Variants in PCDHGA9 observed in about 807,000 individuals in gnomAD.
PCDHGA9 encodes protocadherin gamma-A9.
Under a neutral mutation model 62.5 loss-of-function variants are expected in PCDHGA9, and 37 were observed. The ratio of observed to expected loss-of-function variants is 0.59; its 90% CI spans 0.46 to 0.78. The LOEUF (loss-of-function observed/expected upper bound fraction) is 0.78. PCDHGA9 is among the 30% of genes least tolerant of loss of function. PCDHGA9 has a pLI of 0.00. For missense variants in PCDHGA9, 1,138 were observed against 1,166.2 expected (o/e 0.98, Z 0.35); for synonymous variants, 459 against 484.6 (o/e 0.95, Z 0.69).
chr5:141,421,443 G>A (rs1561793987), intron 1 of PCDHGA9: 4 of 1,614,106 alleles, frequency 2.5e-6, no homozygotes, highest in Non-Finnish European at 2.5e-6. Flanking sequence ...CCAGAGGGAA[G>A]ACACAGCTTT....
At position 141,471,885 on chromosome 5, in the gene PCDHGA9, A is replaced by G. The variant is rs180968509; in HGVS notation, c.2425-22922A>G. ...ACTGTGGTTGCCTGAGGCTGAAGCT[A>G]GGAAGATTGACTACAGACAAGCATG... On this transcript the variant is annotated intron_variant, in intron 1 of 3. Transcript: ENST00000573521. Among the ~76,000 whole-genome samples the G allele has an allele frequency of 1.9e-3, 294 of 152,338 alleles. 1 individual carries two copies. Among genetic ancestry groups the G allele is most frequent in the Middle Eastern group, 0.017 (5 of 294 alleles).
At chr5:141,452,119 TTCATATATGGC>T (rs1472213897) in intron 1 of PCDHGA9, among the ~76,000 whole-genome samples, 3 of 152,250 alleles carry the variant, frequency 2.0e-5, no homozygotes, top group African/African-American at 7.2e-5. Flanking sequence ...TTCTTATTTA[TTCATATATGGC>T]TCATGTGTTT....
Position 141,510,977 on chromosome 5 carries a change from G to T in PCDHGA9, c.2603G>T (p.Gly868Val). 1.2e-6 allele frequency: 2 copies of T among 1,614,170 alleles called. No individual in the cohort carries two copies. Among genetic ancestry groups the T allele is most frequent in the Non-Finnish European group, 1.7e-6 (2 of 1,180,020 alleles). The change falls in exon 4 of 4, where the codon GGG becomes GTG. Residue 868 changes from glycine to valine, a missense_variant. Physicochemically the swap from Gly to Val is moderately radical, Grantham distance 109. Transcript: ENST00000573521. ...GCTGATGGGAGCTCCACCCTGGGAG[G>T]GGGTGCCGGCACCATGGGATTGAGC... ...EAADGSSTLG[G>V]GAGTMGLSAR...
At position 141,494,880 on chromosome 5, in the gene PCDHGA9, C is replaced by G. The variant is rs950094823; in HGVS notation, c.2483+15C>G. On this transcript the variant is annotated intron_variant, in intron 2 of 3. Transcript: ENST00000573521. ...GGCACCAGCGGGTAGGTGACTGATT[C>G]TCCAGCCCACCCTCTTCTCTGCGGC... The G allele has an allele frequency of 3.7e-6, 6 of 1,614,040 alleles. No individual in the cohort carries two copies. The African/African-American group carries it at 6.7e-5, about 18-fold the overall frequency.
At chr5:141,483,064 A>G (rs1245942485) in intron 1 of PCDHGA9, among the ~76,000 whole-genome samples, 2 of 152,142 alleles carry the variant, frequency 1.3e-5, no homozygotes, top group Non-Finnish European at 2.9e-5. Context: ...CAGCATGGGC[A>G]ACAGAGAGAG....
At chr5:141,405,632 G>A (rs1487962714) in intron 1 of PCDHGA9, 9 of 530,162 alleles carry the variant, frequency 1.7e-5, no homozygotes, top group African/African-American at 1.2e-4. Flanking sequence ...GTGCCACCAC[G>A]CCCGGCTAAT....
In PCDHGA9 at chr5:141,489,744, C is replaced by T. The variant is rs185263705; in HGVS notation, c.2425-5063C>T. The T allele has an allele frequency of 1.1e-5, 18 of 1,614,144 alleles. No homozygotes were observed. In the Admixed American group the frequency reaches 2.8e-4, roughly 25 times the overall value. Reference sequence around the variant, plus strand: ...CGGATGTGGGCACCAATACTGTGAGCTTTTACACTCTAAGCCCCAACAGCC... The same window carrying T: ...CGGATGTGGGCACCAATACTGTGAGTTTTTACACTCTAAGCCCCAACAGCC... On this transcript the variant is annotated intron_variant, in intron 1 of 3. Transcript: ENST00000573521. This position sits in a 1 kb window ranked among gnomAD's most constrained non-coding sequence, Gnocchi z 4.5.
intron 1 of PCDHGA9, chr5:141,424,504 G>GT (rs892941709): frequency 6.6e-6 from 1 of 152,016 alleles, no homozygotes; most frequent in African/African-American, 2.4e-5. Context: ...TGTATGGAAG[G>GT]TTTTTTAATG....
chr5:141,468,486 TG>T (rs1562016448), intron 1 of PCDHGA9: 14 of 152,288 alleles, frequency 9.2e-5, no homozygotes. Context: ...GTAGGTCTCA[TG>T]GAAGATTTTC....
chr5:141,470,242 T>G (rs1301513342), intron 1 of PCDHGA9, among the ~76,000 whole-genome samples: 1 of 152,226 alleles, frequency 6.6e-6, no homozygotes, highest in African/African-American at 2.4e-5. Flanking sequence ...CCCTTGAATG[T>G]CCCACCTGTC....
intron 1 of PCDHGA9, chr5:141,413,712 T>A (rs1405825615): frequency 9.9e-6 from 16 of 1,613,454 alleles, no homozygotes; most frequent in Middle Eastern, 3.3e-4. Context: ...TCAGCCCCAA[T>A]AAGCACTTCT....
chr5:141,430,276 G>C (rs2097271928), intron 1 of PCDHGA9, among the ~76,000 whole-genome samples: 1 of 151,720 alleles, frequency 6.6e-6, no homozygotes, highest in South Asian at 2.1e-4. Context: ...TGTGTTGGGG[G>C]AACAGTAATC....
At chr5:141,501,583 T>C (rs1270487304) in intron 2 of PCDHGA9, among the ~76,000 whole-genome samples, 1 of 152,054 alleles carries the variant, frequency 6.6e-6, no homozygotes, top group Non-Finnish European at 1.5e-5. Context: ...GGCTTTCAGG[T>C]TGCAACTCTA....
At chr5:141,475,997 G>A in intron 1 of PCDHGA9, 2 of 1,184,406 alleles carry the variant, frequency 1.7e-6, no homozygotes, top group East Asian at 2.4e-5. Flanking sequence ...CAAATCAACG[G>A]CATCCAGAAA....
At chr5:141,428,155 G>A (rs767716956) in intron 1 of PCDHGA9, 7 of 1,581,618 alleles carry the variant, frequency 4.4e-6, no homozygotes, top group East Asian at 2.2e-5. Flanking sequence ...ACGGGAACCT[G>A]CTGGTTGCTG....
chr5:141,404,610 T>C lies in PCDHGA9; in HGVS notation c.1658T>C (p.Leu553Ser), dbSNP rs1207198913. ...SSNVSLRLFV[L>S]DQNDNAPEIL... ...AATGTGTCATTGAGACTGTTTGTTTTGGACCAGAATGACAATGCCCCAGAA... is the reference window on the plus strand; with the variant it reads ...AATGTGTCATTGAGACTGTTTGTTTCGGACCAGAATGACAATGCCCCAGAA... The change falls in exon 1 of 4, where the codon TTG becomes TCG. Residue 553 changes from leucine to serine, a missense_variant. By Grantham distance (145) the Leu-to-Ser change is moderately radical. Transcript: ENST00000573521. 1 of 1,614,130 alleles carries C rather than the reference T, an allele frequency of 6.2e-7. No homozygotes were observed. Among genetic ancestry groups the C allele is most frequent in the African/African-American group, 1.3e-5 (1 of 75,054 alleles).
In PCDHGA9 at chr5:141,487,598, C is replaced by T. The variant is rs1450685717; in HGVS notation, c.2425-7209C>T. 6.2e-7 allele frequency: 1 copy of T among 1,614,210 alleles called. No homozygotes were observed. The highest frequency in any genetic ancestry group is 8.5e-7 in the Non-Finnish European group (1 of 1,180,046). ...TCGCCCAAGCTGCCCACCCTCTGAT[C>T]TTCTCTATGGGCTAGAGGTGAGACC... is the stretch of plus-strand genomic sequence containing the variant. On this transcript the variant is annotated intron_variant, in intron 1 of 3. Transcript: ENST00000573521. The surrounding 1 kb of genome is among the most constrained non-coding windows in gnomAD (Gnocchi z 5.0).
intron 1 of PCDHGA9, chr5:141,427,798 T>C: frequency 6.6e-7 from 1 of 1,506,550 alleles, no homozygotes; most frequent in South Asian, 1.1e-5. Flanking sequence ...TACGTGTCCG[T>C]GAGCGCACAG....
intron 1 of PCDHGA9, among the ~76,000 whole-genome samples, chr5:141,446,739 T>A (rs1292920572): frequency 2.6e-5 from 4 of 152,180 alleles, no homozygotes; most frequent in African/African-American, 7.2e-5. Flanking sequence ...AGTGTGGGGA[T>A]TACAGGCGTG....
Sources: gnomAD v4.1 joint callset for allele counts (sites outside exome capture counted in the v4.1 genomes callset) on GRCh38, gnomAD v4.1.1 for gene constraint, Gnocchi (gnomAD v3.1) non-coding constraint, MANE v1.5 for transcripts, NCBI Gene and HGNC (gene_info 2026-07-23, HGNC 2026-07-21) for gene names.